The following GPHN variants were observed in gnomAD, a reference collection of about 807,000 sequenced individuals.
The protein encoded by GPHN is gephyrin.
GPHN carries 17 observed loss-of-function variants against 95.5 expected under a neutral mutation model. The observed-to-expected ratio is 0.18, with a 90% CI of 0.12 to 0.27. GPHN has a LOEUF of 0.27. Among genes scored for constraint, GPHN ranks in the 10% least tolerant of loss-of-function variants. The probability of loss-of-function intolerance (pLI) is 1.00; values close to 1 mark genes in which losing one functional copy is unlikely to be tolerated. For synonymous variants in GPHN, 320 were observed against 322.5 expected (o/e 0.99, Z 0.08); for missense variants, 660 against 978.1 (o/e 0.67, Z 4.34).
chr14:66,546,925 CAAT>C (rs1226983603), intron 1 of GPHN, among the ~76,000 whole-genome samples: 2 of 152,186 alleles, frequency 1.3e-5, no homozygotes, highest in Non-Finnish European at 2.9e-5. Flanking sequence ...GGGCCTCAAA[CAAT>C]GACTGACATT....
chr14:67,105,375 C>G (rs902031906), intron 13 of GPHN, among the ~76,000 whole-genome samples: 1 of 151,924 alleles, frequency 6.6e-6, no homozygotes, highest in Non-Finnish European at 1.5e-5. Flanking sequence ...AGTTTAAATC[C>G]AGCGTTCCTA....
chr14:67,474,269 A>AC, the GPHN span, among the ~76,000 whole-genome samples: 1 of 145,902 alleles, frequency 6.9e-6, no homozygotes, highest in Non-Finnish European at 1.5e-5. Flanking sequence ...ACAAAACAAA[A>AC]AAAAAACAGA....
At chr14:67,458,156 C>T in the GPHN span, among the ~76,000 whole-genome samples, 29 of 152,184 alleles carry the variant, frequency 1.9e-4, no homozygotes, top group African/African-American at 6.8e-4. Flanking sequence ...GAACTTTCAG[C>T]TTCGGATCTT....
intron 1 of GPHN, among the ~76,000 whole-genome samples, chr14:66,532,994 G>A (rs118040688): frequency 0.012 from 1,845 of 152,292 alleles, 20 homozygotes; most frequent in Non-Finnish European, 0.018. Context: ...AAACCATGTT[G>A]GCAGGAACAG....
At chr14:66,528,407 T>C (rs2058776609) in intron 1 of GPHN, among the ~76,000 whole-genome samples, 1 of 152,200 alleles carries the variant, frequency 6.6e-6, no homozygotes, top group Non-Finnish European at 1.5e-5. Context: ...GGGTCTTGAC[T>C]CTTTATCCAA....
At chr14:66,530,707 G>A (rs775929137) in intron 1 of GPHN, among the ~76,000 whole-genome samples, 7 of 152,028 alleles carry the variant, frequency 4.6e-5, no homozygotes, top group Non-Finnish European at 7.4e-5. Context: ...CCTTGGCTAC[G>A]GATGGGAATT....
At chr14:67,320,028 T>A in the GPHN span, among the ~76,000 whole-genome samples, 17 of 152,234 alleles carry the variant, frequency 1.1e-4, no homozygotes, top group Admixed American at 9.8e-4. Context: ...GCATGAATTT[T>A]TTATTTCAAA....
intron 2 of GPHN, among the ~76,000 whole-genome samples, chr14:66,737,630 C>CT (rs906122586): frequency 6.6e-6 from 1 of 152,178 alleles, no homozygotes; most frequent in African/African-American, 2.4e-5. Flanking sequence ...GCACTGGGCT[C>CT]TTTAATACCA....
the GPHN span, among the ~76,000 whole-genome samples, chr14:67,240,486 G>A: frequency 6.6e-6 from 1 of 152,240 alleles, no homozygotes. Context: ...GGAGTCACAG[G>A]CATAGTTTGG....
chr14:67,286,764 G>T, the GPHN span, among the ~76,000 whole-genome samples: 3 of 151,370 alleles, frequency 2.0e-5, no homozygotes, highest in Non-Finnish European at 1.5e-5. Flanking sequence ...AGGCTAGGTG[G>T]GAGGATCGCT....
chr14:66,963,263 C>T (rs1437839056), intron 8 of GPHN, among the ~76,000 whole-genome samples: 1 of 151,858 alleles, frequency 6.6e-6, no homozygotes, highest in Non-Finnish European at 1.5e-5. Context: ...TCTTCTCTCT[C>T]GAGTATCCTG....
chr14:67,135,190 C>T (rs1314821391), intron 17 of GPHN, among the ~76,000 whole-genome samples: 1 of 152,036 alleles, frequency 6.6e-6, no homozygotes, highest in African/African-American at 2.4e-5. Context: ...GAACTCCTGA[C>T]CTCAAGTGAT....
chr14:67,160,439 G>C (rs889552820), intron 19 of GPHN, among the ~76,000 whole-genome samples: 3 of 152,026 alleles, frequency 2.0e-5, no homozygotes, highest in African/African-American at 7.2e-5. Flanking sequence ...CCATGAATTT[G>C]CACATCTCTT....
rs1378377011 is a variant in GPHN at position 67,089,121 on chromosome 14, TTTTCTTTTTTTC to T, written c.1237+50_1237+61del. 1.1e-3 allele frequency: 700 copies of T among 637,858 alleles called. 3 individuals are homozygous for T. Among genetic ancestry groups the T allele is most frequent in the Non-Finnish European group, 1.4e-3 (529 of 383,436 alleles). The allele number at this position is 637,858 out of a possible 1,614,324, so 39.5% of individuals were successfully genotyped here. On this transcript the variant is annotated intron_variant, in intron 12 of 22. Transcript: ENST00000478722. The stretch of plus-strand genomic sequence containing the variant: ...AAACATAATCAGGCACTGTATTTTT[TTTTCTTTTTTTC>T]TTTTTTTTTTTTTTTTTTTTTTTTT...
chr14:67,717,359 A>G, the GPHN span, among the ~76,000 whole-genome samples: 21 of 152,296 alleles, frequency 1.4e-4, no homozygotes, highest in Admixed American at 1.4e-3. Flanking sequence ...TTAGAGGTAA[A>G]CAGAATTAAG....
the GPHN span, chr14:67,578,042 A>G: frequency 9.2e-5 from 149 of 1,613,350 alleles, no homozygotes; most frequent in Admixed American, 2.2e-4. This position sits in a 1 kb window ranked among gnomAD's most constrained non-coding sequence, Gnocchi z 5.0. Context: ...CTCTTCATCA[A>G]CGTGCCGGTG....
intron 2 of GPHN, among the ~76,000 whole-genome samples, chr14:66,693,891 A>C (rs1309094994): frequency 6.6e-6 from 1 of 152,184 alleles, no homozygotes; most frequent in African/African-American, 2.4e-5. Flanking sequence ...AGAGTAGCCA[A>C]TACAATATTG....
the GPHN span, among the ~76,000 whole-genome samples, chr14:67,491,594 G>A: frequency 1.3e-5 from 2 of 152,154 alleles, no homozygotes; most frequent in Admixed American, 6.5e-5. Context: ...GACAAAGACC[G>A]AATACATTTC....
At chr14:67,294,255 C>T in the GPHN span, 3 of 152,040 alleles carry the variant, frequency 2.0e-5, no homozygotes, top group Non-Finnish European at 4.4e-5. Context: ...ATGGTTTCCC[C>T]TGGAGTGTGC....
Sources: allele counts gnomAD v4.1 joint callset (sites outside exome capture counted in the v4.1 genomes callset), GRCh38; gene constraint gnomAD v4.1.1; non-coding constraint Gnocchi (gnomAD v3.1); transcripts MANE v1.5; gene names NCBI Gene and HGNC (gene_info 2026-07-23, HGNC 2026-07-21).